Variants in ADAM8 observed in about 807,000 individuals in gnomAD.
ADAM8 encodes ADAM metallopeptidase domain 8, also known as disintegrin and metalloproteinase domain-containing protein 8.
Under a neutral mutation model 102.4 loss-of-function variants are expected in ADAM8, and 104 were observed. The observed-to-expected ratio is 1.02, with a 90% CI of 0.87 to 1.20. The LOEUF (loss-of-function observed/expected upper bound fraction) is 1.20. Ranked by LOEUF, ADAM8 falls within the 50% of genes most tolerant of loss-of-function variation. The pLI, the probability that ADAM8 is intolerant of heterozygous loss-of-function variation, is 0.00. For missense variants in ADAM8, 1,132 were observed against 1,159.0 expected, an observed-to-expected ratio of 0.98 and a Z score of 0.34; for synonymous variants, 517 against 485.2, an observed-to-expected ratio of 1.07 and a Z score of -0.86.
At chr10:133,263,642 C>CACTGTCAGCCCCGT (rs59673054) in intron 22 of ADAM8, 46 bp downstream of exon 22, 17 of 1,481,882 alleles carry the variant, frequency 1.1e-5, no homozygotes, top group South Asian at 1.3e-5. Context: ...GAGGCCGTGC[C>CACTGTCAGCCCCGT]GTCCATTGCA....
chr10:133,269,657 C>A (rs1049488147), intron 17 of ADAM8, 128 bp from the exon 18 acceptor site: 4 of 1,057,804 alleles, frequency 3.8e-6, no homozygotes, highest in East Asian at 2.6e-5. Flanking sequence ...TGCCCACATG[C>A]GCCGACGGCG....
At chr10:133,273,117 C>G (rs1846610905) in intron 6 of ADAM8, 98 bp from the exon 7 acceptor site, 1 of 1,597,920 alleles carries the variant, frequency 6.3e-7, no homozygotes, top group Non-Finnish European at 8.6e-7. Flanking sequence ...CTGTCCAGTG[C>G]TGGGGGAGCG....
At chr10:133,263,410 T>C (rs1846222513) in intron 22 of ADAM8, among the ~76,000 whole-genome samples, 177 bp from the exon 23 acceptor site, 1 of 152,112 alleles carries the variant, frequency 6.6e-6, no homozygotes, top group South Asian at 2.1e-4. Flanking sequence ...TATATACAGC[T>C]CACAGAGGAC....
rs753602887 is a variant in ADAM8 at position 133,268,057 on chromosome 10, G to A, written c.2125C>T (p.Arg709Cys). 43 of 1,268,238 alleles carry A rather than the reference G, an allele frequency of 3.4e-5. No homozygotes were observed. The highest frequency in any genetic ancestry group is 1.7e-4 in the African/African-American group (11 of 65,402). 78.6% of individuals were successfully genotyped at this position (1,268,238 alleles called of 1,614,324 possible). A position where few individuals can be genotyped will look rare whatever the true frequency, so the allele number is the denominator to read the frequency against. ...GGAGCCCCGCCCTTGGCCGGCACGCGGCTGGCAGCCTGGTGGAACAGGGGG... is the reference window on the plus strand; with the variant it reads ...GGAGCCCCGCCCTTGGCCGGCACGCAGCTGGCAGCCTGGTGGAACAGGGGG... ...SNPLFHQAAS[R>C]VPAKGGAPAP... The change falls in exon 20 of 23, where the codon CGC (arginine) becomes TGC (cysteine). Residue 709 changes from arginine (R) to cysteine (C), a missense_variant. By Grantham distance (180) the Arg-to-Cys change is radical (BLOSUM62 -3). Coordinates refer to ENST00000445355, the MANE Select transcript of ADAM8 (RefSeq NM_001109.5).
Position 133,273,234 on chromosome 10 carries a change from C to T in ADAM8, c.573+20G>A, listed in dbSNP as rs776123512. The T allele has an allele frequency of 2.6e-5, 42 of 1,598,150 alleles. No individual in the cohort carries two copies. The highest frequency in any genetic ancestry group is 3.2e-5 in the Non-Finnish European group (37 of 1,173,158). On this transcript the variant is annotated intron_variant, in intron 6 of 22. Transcript: ENST00000445355. ...GGACACCGGCAGGGCCAGCCAAACA[C>T]AGGAGACAAGGGTGCTCACCCCGGG...
At position 133,276,724 on chromosome 10, in the gene ADAM8, C is replaced by T. The variant is rs1180613600; in HGVS notation, c.46+48G>A. On this transcript the variant is annotated intron_variant, in intron 1 of 22. Transcript: ENST00000445355. Reference sequence around the variant, plus strand: ...TCCGCGTCGCGTCCTGCGGGGAGAGCCACCCTGCCCCGCGCTGCGCCCGGG... The same window carrying T: ...TCCGCGTCGCGTCCTGCGGGGAGAGTCACCCTGCCCCGCGCTGCGCCCGGG... 1.8e-5 allele frequency: 27 copies of T among 1,522,570 alleles called. No homozygotes were observed. The East Asian group carries it at 6.6e-4, about 37-fold the overall frequency. 94.3% of individuals were successfully genotyped at this position (1,522,570 alleles called of 1,614,324 possible).
At position 133,264,767 on chromosome 10, in the gene ADAM8, T is replaced by A. The variant is rs1275876638; in HGVS notation, c.2320-1002A>T. 2.0e-5 allele frequency among the ~76,000 whole-genome samples: 3 copies of A among 149,002 alleles called. No individual in the cohort carries two copies. The East Asian group carries it at 6.0e-4, about 30-fold the overall frequency. ...CACGCCCGGCTCTTGCTGCAGCCTCTGCCGCATCTACCTCCATGCCTGGTT... is the reference window on the plus strand; with the variant it reads ...CACGCCCGGCTCTTGCTGCAGCCTCAGCCGCATCTACCTCCATGCCTGGTT... On this transcript the variant is annotated intron_variant, in intron 21 of 22. Coordinates refer to ENST00000445355, the MANE Select transcript of ADAM8 (RefSeq NM_001109.5).
chr10:133,275,875 CAG>C (rs1846732195), intron 1 of ADAM8: 2 of 375,058 alleles, frequency 5.3e-6, no homozygotes, highest in Admixed American at 9.5e-5. Context: ...CAGGCTGTCT[CAG>C]ATCTCTGGAG....
At chr10:133,264,887 G>A (rs1280885015) in intron 21 of ADAM8, among the ~76,000 whole-genome samples, 1 of 132,672 alleles carries the variant, frequency 7.5e-6, no homozygotes, top group Non-Finnish European at 1.6e-5. Flanking sequence ...TGCAGCCTCT[G>A]CCCCATCTAC....
At chr10:133,267,494 C>A in intron 20 of ADAM8, 77 bp from the exon 21 acceptor site, 2 of 1,417,512 alleles carry the variant, frequency 1.4e-6, no homozygotes, top group South Asian at 1.3e-5. Flanking sequence ...CTCCAGGATC[C>A]GAGGTTCCTG....
rs971062175 is a variant in ADAM8 at position 133,267,421 on chromosome 10, G to A, written c.2254-4C>T. ...GGCTGGACACAGTGACCGGAGGCTG[G>A]AGGAGACAGGGCCGAGAGCCTGGGT... On this transcript the variant is annotated splice_polypyrimidine_tract_variant and splice_region_variant and intron_variant, in intron 20 of 22. Transcript: ENST00000445355. The A allele has an allele frequency of 9.3e-6, 15 of 1,607,184 alleles. No homozygotes were observed. Among genetic ancestry groups the A allele is most frequent in the Non-Finnish European group, 1.3e-5 (15 of 1,178,166 alleles).
intron 12 of ADAM8, 48 bp downstream of exon 12, chr10:133,271,480 G>A (rs934129644): frequency 4.0e-6 from 6 of 1,515,488 alleles, no homozygotes; most frequent in Non-Finnish European, 5.3e-6. Flanking sequence ...AGGGACAGAG[G>A]TTGTGGCACC....
chr10:133,270,046 G>T, intron 16 of ADAM8, 72 bp from the exon 17 acceptor site: 2 of 1,528,628 alleles, frequency 1.3e-6, no homozygotes, highest in South Asian at 1.1e-5. Flanking sequence ...GAAACTGCAT[G>T]GTAAGCTGGG....
In ADAM8 at chr10:133,276,767, C is replaced by T. The variant is rs1846772970; in HGVS notation, c.46+5G>A. 1 of 1,534,190 alleles carries T rather than the reference C, an allele frequency of 6.5e-7. No individual in the cohort carries two copies. The highest frequency in any genetic ancestry group is 8.8e-7 in the Non-Finnish European group (1 of 1,142,674). ...CGCCCGGGACGGTTCCCTGGAACCACTCACCAGGCAGCATCATCGCGCCCA... is the reference window on the plus strand; with the variant it reads ...CGCCCGGGACGGTTCCCTGGAACCATTCACCAGGCAGCATCATCGCGCCCA... On this transcript the variant is annotated splice_donor_5th_base_variant and intron_variant, in intron 1 of 22. Coordinates refer to ENST00000445355, the MANE Select transcript of ADAM8 (RefSeq NM_001109.5).
chr10:133,264,292 C>A (rs1053146027), intron 21 of ADAM8, among the ~76,000 whole-genome samples: 1 of 151,896 alleles, frequency 6.6e-6, no homozygotes, highest in Non-Finnish European at 1.5e-5. Flanking sequence ...AACTCCTGGG[C>A]TCAAGTGATC....
chr10:133,272,456 G>A lies in ADAM8; in HGVS notation c.835C>T (p.Arg279Trp), dbSNP rs1211343495. 7 of 1,610,634 alleles carry A rather than the reference G, an allele frequency of 4.3e-6. No individual in the cohort carries two copies. The East Asian group carries it at 8.9e-5, about 21-fold the overall frequency. ...TTGTCATGCAGGTGCCGCCGTGTCC[G>A]TTGCCGTGCCTGCCAGGTCAGGAGG... ...ENLLTWQARQ[R>W]TRRHLHDNVQ... The change falls in exon 9 of 23, where the codon CGG (arginine) becomes TGG (tryptophan). Residue 279 changes from arginine (R) to tryptophan (W), a missense_variant. Arg to Trp is a moderately radical substitution (Grantham distance 101). Coordinates refer to ENST00000445355, the MANE Select transcript of ADAM8 (RefSeq NM_001109.5).
rs1846411426 is a variant in ADAM8 at position 133,268,638 on chromosome 10, G to A, written c.2063+110C>T. 4 of 1,226,900 alleles carry A rather than the reference G, an allele frequency of 3.3e-6. No individual in the cohort carries two copies. The African/African-American group carries it at 6.0e-5, about 18-fold the overall frequency. The allele number at this position is 1,226,900 out of a possible 1,614,324, so 76.0% of individuals were successfully genotyped here. A position where few individuals can be genotyped will look rare whatever the true frequency, so the allele number is the denominator to read the frequency against. ...CGTCATGACGTCGGGGCACAGAGGAGCCTGGGTGTCCGTGCCGTCCACCAT... is the reference window on the plus strand; with the variant it reads ...CGTCATGACGTCGGGGCACAGAGGAACCTGGGTGTCCGTGCCGTCCACCAT... On this transcript the variant is annotated intron_variant, in intron 19 of 22. Transcript: ENST00000445355.
In ADAM8 at chr10:133,271,136, C is replaced by T. The variant is rs1013849605; in HGVS notation, c.1374+64G>A. The T allele has an allele frequency of 1.7e-5, 27 of 1,593,376 alleles. No individual in the cohort carries two copies. In the African/African-American group the frequency reaches 3.5e-4, roughly 21 times the overall value. ...CGCAAGCTGCCTGGTCCCTGGTGCC[C>T]CAGGGTCCCTTCCCACCTGCCAGCC... On this transcript the variant is annotated intron_variant, in intron 13 of 22. Transcript: ENST00000445355.
Position 133,272,486 on chromosome 10 carries a change from C to A in ADAM8, c.805G>T (p.Glu269Ter). Residue 269 changes from glutamate (E) to a stop codon, truncating the protein, a stop_gained, in exon 9 of 23, where the codon GAG becomes TAG. Transcript: ENST00000445355. LOFTEE classifies it high-confidence loss of function. ...CGTGCCTGCCAGGTCAGGAGGTTCT[C>A]CAGTGTGACACTGGGGTCGGGGCTG... is the stretch of plus-strand genomic sequence containing the variant. ...HVSPDPSVTL[E>*]NLLTWQARQR... The A allele has an allele frequency of 6.2e-7, 1 of 1,612,188 alleles. No homozygotes were observed. The highest frequency in any genetic ancestry group is 8.5e-7 in the Non-Finnish European group (1 of 1,179,860).
Sources: gnomAD v4.1 joint callset for allele counts (sites outside exome capture counted in the v4.1 genomes callset) on GRCh38, gnomAD v4.1.1 for gene constraint, MANE v1.5 for transcripts, NCBI Gene and HGNC (gene_info 2026-07-23, HGNC 2026-07-21) for gene names.